Variants in CASK observed in about 807,000 individuals in gnomAD.
CASK encodes calcium/calmodulin dependent serine protein kinase, also known as peripheral plasma membrane protein CASK.
A neutral mutation model predicts 82.9 loss-of-function variants in CASK; 4 were observed. The ratio of observed to expected loss-of-function variants is 0.05; its 90% confidence interval spans 0.02 to 0.11. The LOEUF (loss-of-function observed/expected upper bound fraction) is 0.11, where lower values mean the gene tolerates loss of function less well. Ranked by LOEUF, CASK falls within the 10% of genes least tolerant of loss-of-function variation. CASK has a pLI of 1.00. For missense variants in CASK, 358 were observed against 720.9 expected (o/e 0.50, Z 5.76); for synonymous variants, 259 against 253.5 (o/e 1.02, Z -0.20).
intron 2 of CASK, among the ~76,000 whole-genome samples, chrX:41,822,386 C>T (rs1232642953): frequency 9.3e-6 from 1 of 108,104 alleles, no homozygotes; most frequent in Admixed American, 9.9e-5. Flanking sequence ...GGTGAAACCC[C>T]GTCTCTACTA....
chrX:41,842,587 T>C (rs1252876308), intron 2 of CASK, among the ~76,000 whole-genome samples: 2 of 109,173 alleles, frequency 1.8e-5, no homozygotes, highest in Non-Finnish European at 3.8e-5. Flanking sequence ...AAAAAAAAAT[T>C]CTGAAGTTGA....
intron 14 of CASK, 67 bp from the exon 15 acceptor site, chrX:41,578,595 T>A: frequency 1.2e-6 from 1 of 839,732 alleles, no homozygotes. Context: ...ATTTTATTTA[T>A]TTATTTATTT....
chrX:41,660,190 C>T, intron 8 of CASK: 2 of 423,128 alleles, frequency 4.7e-6, no homozygotes, highest in East Asian at 3.8e-5. Flanking sequence ...AAAAAAGAGG[C>T]CTTCCCCTGA....
chrX:41,613,630 A>T (rs1305856983), intron 11 of CASK, among the ~76,000 whole-genome samples: 2 of 86,963 alleles, frequency 2.3e-5, no homozygotes, highest in South Asian at 4.8e-4. Context: ...ATGATCAATT[A>T]AAAAAAAAAA....
chrX:41,914,115 A>C (rs1337396592), intron 1 of CASK, among the ~76,000 whole-genome samples: 2 of 112,334 alleles, frequency 1.8e-5, no homozygotes, highest in Non-Finnish European at 3.8e-5. Flanking sequence ...ATGTAGTTGA[A>C]TGGTAATACA....
At chrX:41,890,740 G>C (rs1423968888) in intron 1 of CASK, among the ~76,000 whole-genome samples, 1 of 111,739 alleles carries the variant, frequency 8.9e-6, no homozygotes, top group Non-Finnish European at 1.9e-5. Context: ...AATGCCTGCT[G>C]CATGCTGACT....
At chrX:41,706,877 C>T (rs966584640) in intron 5 of CASK, among the ~76,000 whole-genome samples, 1 of 111,914 alleles carries the variant, frequency 8.9e-6, no homozygotes, top group Non-Finnish European at 1.9e-5. Context: ...AACATGACAG[C>T]TCCAAGACCA....
intron 14 of CASK, chrX:41,584,297 C>T (rs1294018513): frequency 8.9e-6 from 1 of 112,714 alleles, no homozygotes; most frequent in Non-Finnish European, 1.9e-5. Flanking sequence ...CTTATTCTGA[C>T]TCCACGAGGT....
chrX:41,600,278 G>A (rs890736411), intron 12 of CASK, among the ~76,000 whole-genome samples: 3 of 112,188 alleles, frequency 2.7e-5, no homozygotes, highest in Non-Finnish European at 5.6e-5. Flanking sequence ...ATAGCACAAA[G>A]GCAGTCTGGC....
At chrX:41,727,389 A>G in intron 5 of CASK, 4 of 1,210,128 alleles carry the variant, frequency 3.3e-6, no homozygotes, top group Non-Finnish European at 4.5e-6. Flanking sequence ...ATGCTACCTT[A>G]ATGCAAAAGG....
intron 3 of CASK, among the ~76,000 whole-genome samples, chrX:41,760,092 T>G (rs1409003706): frequency 2.7e-5 from 3 of 112,129 alleles, no homozygotes; most frequent in African/African-American, 9.7e-5. Context: ...TTGTTTACGT[T>G]AACATACATA....
intron 12 of CASK, among the ~76,000 whole-genome samples, chrX:41,591,382 A>G (rs945192620): frequency 3.6e-5 from 4 of 112,539 alleles, no homozygotes; most frequent in Non-Finnish European, 7.5e-5. Flanking sequence ...TAAAACACAC[A>G]TATACACACA....
At chrX:41,841,750 G>A (rs1437499112) in intron 2 of CASK, among the ~76,000 whole-genome samples, 2 of 111,294 alleles carry the variant, frequency 1.8e-5, no homozygotes, top group African/African-American at 6.5e-5. Flanking sequence ...TCTTGAACTC[G>A]ACCTCAAGTG....
chrX:41,597,534 A>G (rs941219228), intron 12 of CASK, among the ~76,000 whole-genome samples: 1 of 112,773 alleles, frequency 8.9e-6, no homozygotes, highest in African/African-American at 3.2e-5. Flanking sequence ...GACCATTGAA[A>G]TAACTTGTTC....
rs149110814 is a variant in CASK, at chrX:41,866,100, G to C, written c.60-12873C>G. Among the ~76,000 whole-genome samples, 948 of 112,682 alleles carry C rather than the reference G, an allele frequency of 8.4e-3. 10 individuals are homozygous for C. Among genetic ancestry groups the C allele is most frequent in the African/African-American group, 0.029 (909 of 31,042 alleles). On this transcript the variant is annotated intron_variant, in intron 1 of 26. Transcript: ENST00000378163. ...GCTGTCTACAGAGCAGACCACAGGG[G>C]CTGAAATGGTCTGGTCTTCACCGTA... is the stretch of plus-strand genomic sequence containing the variant.
At chrX:41,830,709 A>G (rs1315488976) in intron 2 of CASK, among the ~76,000 whole-genome samples, 3 of 106,627 alleles carry the variant, frequency 2.8e-5, no homozygotes, top group East Asian at 3.0e-4. Context: ...AGTCCCAGCT[A>G]CTCAGGAGGC....
Position 41,553,591 on chromosome X carries a change from T to C in CASK, c.2039+128A>G, listed in dbSNP as rs2065126643. 7.8e-6 allele frequency: 4 copies of C among 511,076 alleles called. No homozygotes were observed. The South Asian group carries it at 1.2e-4, about 15-fold the overall frequency. 42.1% of individuals were successfully genotyped at this position (511,076 alleles called of 1,213,427 possible). ...ATTCTTGGATGACTAATTTAAATTT[T>C]GTTTGGCTCGTAAAGGAAGGAATAT... On this transcript the variant is annotated intron_variant, in intron 21 of 26. Transcript: ENST00000378163.
chrX:41,691,460 A>G (rs1443892524), intron 5 of CASK, among the ~76,000 whole-genome samples: 2 of 111,826 alleles, frequency 1.8e-5, no homozygotes, highest in Admixed American at 9.5e-5. Flanking sequence ...CTCAATATTA[A>G]TAAAGAAAAT....
At chrX:41,890,732 T>C (rs959045433) in intron 1 of CASK, among the ~76,000 whole-genome samples, 6 of 111,694 alleles carry the variant, frequency 5.4e-5, no homozygotes, top group African/African-American at 2.0e-4. Context: ...ACCTAATGAA[T>C]GCCTGCTGCA....
Sources: allele counts gnomAD v4.1 joint callset (sites outside exome capture counted in the v4.1 genomes callset), GRCh38; gene constraint gnomAD v4.1.1; transcripts MANE v1.5; gene names NCBI Gene and HGNC (gene_info 2026-07-23, HGNC 2026-07-21).